TBC1D9B: variants seen among roughly 807,000 people sequenced by gnomAD.
The protein encoded by TBC1D9B is TBC1 domain family member 9B.
In TBC1D9B, 87 loss-of-function variants were observed where a neutral mutation model predicts 121.1. The ratio of observed to expected loss-of-function variants is 0.72; its 90% CI spans 0.60 to 0.86. The LOEUF is 0.86. Among genes scored for constraint, TBC1D9B ranks in the 40% least tolerant of loss-of-function variants. The pLI is 0.00. For synonymous variants in TBC1D9B, 668 were observed against 670.1 expected (o/e 1.00, Z 0.05); for missense variants, 1,540 against 1,628.6 (o/e 0.95, Z 0.94).
At chr5:179,893,575 G>T in intron 4 of TBC1D9B, 108 bp from the exon 5 acceptor site, 1 of 1,420,252 alleles carries the variant, frequency 7.0e-7, no homozygotes, top group Non-Finnish European at 9.4e-7. Context: ...TCTGGGGGCA[G>T]CACTTCCTGT....
chr5:179,871,198 G>A (rs945398672), intron 15 of TBC1D9B, among the ~76,000 whole-genome samples: 1 of 152,156 alleles, frequency 6.6e-6, no homozygotes, highest in Non-Finnish European at 1.5e-5. Context: ...CAATACAGGG[G>A]CAATGTATTC....
chr5:179,894,747 C>T, intron 3 of TBC1D9B, 133 bp from the exon 4 acceptor site: 1 of 806,154 alleles, frequency 1.2e-6, no homozygotes, highest in Non-Finnish European at 1.9e-6. Context: ...TGGGAACAGT[C>T]AGTGGCTCTT....
At chr5:179,868,150 A>G (rs390256) in intron 17 of TBC1D9B, 19,177 of 212,466 alleles carry the variant, frequency 0.09, 3,733 homozygotes, top group African/African-American at 0.41. Flanking sequence ...TGATTCTCCC[A>G]CCTCAGCCTC....
Position 179,904,825 on chromosome 5 carries a change from C to G in TBC1D9B, c.119-13G>C. ...CCCACGAGAAGACCTGGGAACAGGG[C>G]AGAGAGACATAGAGGGTGAGGGGAG... is the stretch of plus-strand genomic sequence containing the variant. On this transcript the variant is annotated splice_polypyrimidine_tract_variant and intron_variant, in intron 1 of 20. Transcript: ENST00000355235. The surrounding 1 kb of genome is among the most constrained non-coding windows in gnomAD (Gnocchi z 4.2). 1 of 1,548,048 alleles carries G rather than the reference C, an allele frequency of 6.5e-7. No homozygotes were observed. The highest frequency in any genetic ancestry group is 8.7e-7 in the Non-Finnish European group (1 of 1,145,080).
intron 3 of TBC1D9B, among the ~76,000 whole-genome samples, chr5:179,898,922 C>T (rs772635961): frequency 1.4e-4 from 21 of 152,212 alleles, no homozygotes; most frequent in Admixed American, 8.5e-4. Context: ...CGTCTATCTG[C>T]GTACGCCTTC....
chr5:179,874,184 G>A lies in TBC1D9B; in HGVS notation c.2186+718C>T, dbSNP rs1760289376. Among the ~76,000 whole-genome samples the A allele has an allele frequency of 6.6e-6, 1 of 152,148 alleles. No individual in the cohort carries two copies. Among genetic ancestry groups the A allele is most frequent in the African/African-American group, 2.4e-5 (1 of 41,420 alleles). The stretch of plus-strand genomic sequence containing the variant: ...TAGCCAGGAGGGGCCGGGGCTTGAA[G>A]GCCAGGCTGGAGGCTCAGACAGTGC... On this transcript the variant is annotated intron_variant, in intron 12 of 20. Transcript: ENST00000355235. The surrounding 1 kb of genome is among the most constrained non-coding windows in gnomAD (Gnocchi z 4.3).
rs1441207890 is a variant in TBC1D9B at position 179,891,890 on chromosome 5, T to G, written c.837-304A>C. ...GCCTGGGCAATGTGCAACCCATCCC[T>G]CGGTACTGATGGGCAAGCAGAGCCC... On this transcript the variant is annotated intron_variant, in intron 5 of 20. Transcript: ENST00000355235. The surrounding 1 kb of genome is among the most constrained non-coding windows in gnomAD (Gnocchi z 4.3). Among the ~76,000 whole-genome samples the G allele has an allele frequency of 1.3e-5, 2 of 152,122 alleles. No homozygotes were observed. The highest frequency in any genetic ancestry group is 2.9e-5 in the Non-Finnish European group (2 of 68,006).
At chr5:179,894,800 T>C (rs1760976450) in intron 3 of TBC1D9B, among the ~76,000 whole-genome samples, 186 bp from the exon 4 acceptor site, 1 of 152,216 alleles carries the variant, frequency 6.6e-6, no homozygotes, top group Non-Finnish European at 1.5e-5. Flanking sequence ...ACGCTGCCTG[T>C]GTGACTCTCT....
chr5:179,878,954 C>T, intron 9 of TBC1D9B, 93 bp downstream of exon 9: 2 of 1,484,822 alleles, frequency 1.3e-6, no homozygotes, highest in South Asian at 2.7e-5. Flanking sequence ...GCCTGGCCAA[C>T]TCCAGGCCGG....
At chr5:179,894,359 C>T in intron 4 of TBC1D9B, 27 bp downstream of exon 4, 1 of 1,584,390 alleles carries the variant, frequency 6.3e-7, no homozygotes, top group Non-Finnish European at 8.6e-7. Context: ...GGTGTGGGGG[C>T]TGGGGCACAC....
At chr5:179,867,172 T>G in intron 18 of TBC1D9B, 1 of 394,962 alleles carries the variant, frequency 2.5e-6, no homozygotes, top group South Asian at 6.3e-5. Context: ...TGTTTCCTAC[T>G]CACAGGAAGA....
rs530118237 is a variant in TBC1D9B, at chr5:179,876,751, G to A, written c.1783-714C>T. On this transcript the variant is annotated intron_variant, in intron 10 of 20. Transcript: ENST00000355235. ...GAATATAAAATGGTGCAGCTGCTGG[G>A]GAGGAAGTATGGAGTTCCTCAAAAA... Among the ~76,000 whole-genome samples the A allele has an allele frequency of 1.1e-4, 17 of 152,196 alleles. No individual in the cohort carries two copies. In the Middle Eastern group the frequency reaches 0.01, roughly 91 times the overall value.
chr5:179,889,035 A>AC (rs200298279), intron 6 of TBC1D9B, among the ~76,000 whole-genome samples: 13 of 148,080 alleles, frequency 8.8e-5, no homozygotes, highest in African/African-American at 3.2e-4. Flanking sequence ...GTGAGTGTGC[A>AC]CTTTTTTTTT....
intron 7 of TBC1D9B, among the ~76,000 whole-genome samples, chr5:179,884,182 A>G (rs1002552072): frequency 1.3e-5 from 2 of 152,214 alleles, no homozygotes; most frequent in African/African-American, 4.8e-5. Flanking sequence ...CATTAATAAA[A>G]AAAAGCCTCC....
intron 10 of TBC1D9B, among the ~76,000 whole-genome samples, chr5:179,876,845 C>A (rs1015408814): frequency 6.6e-6 from 1 of 151,896 alleles, no homozygotes. Flanking sequence ...CTGAGGAGGT[C>A]GGATCACTTG....
At chr5:179,869,098 C>T (rs551424947) in intron 17 of TBC1D9B, 8 of 164,228 alleles carry the variant, frequency 4.9e-5, no homozygotes, top group Non-Finnish European at 9.3e-5. Context: ...TAAACATCCC[C>T]GGGGTCGGTT....
chr5:179,880,349 G>C (rs550056953), intron 7 of TBC1D9B, among the ~76,000 whole-genome samples: 1 of 152,376 alleles, frequency 6.6e-6, no homozygotes, highest in East Asian at 1.9e-4. Context: ...GAGTGATGCT[G>C]TCTTGGCAGA....
intron 2 of TBC1D9B, among the ~76,000 whole-genome samples, chr5:179,903,213 C>A (rs1227000412): frequency 6.6e-6 from 1 of 152,200 alleles, no homozygotes; most frequent in African/African-American, 2.4e-5. Context: ...GGTTACTCAA[C>A]CCCTCTGGGC....
rs539831252 is a variant in TBC1D9B, at chr5:179,874,757, G to A, written c.2186+145C>T. On this transcript the variant is annotated intron_variant, in intron 12 of 20. Coordinates refer to ENST00000355235, the MANE Select transcript of TBC1D9B (RefSeq NM_015043.4). The surrounding 1 kb of genome is among the most constrained non-coding windows in gnomAD (Gnocchi z 4.3). ...CTTCATCTCCCACTAGAAAGGAGCC[G>A]CCTCCTGACCCCAGAGCACCCCCGG... 91 of 1,189,952 alleles carry A rather than the reference G, an allele frequency of 7.6e-5. 1 individual carries two copies. In the East Asian group the frequency reaches 1.7e-3, roughly 23 times the overall value. The allele number at this position is 1,189,952 out of a possible 1,614,324, so 73.7% of individuals were successfully genotyped here. A position where few individuals can be genotyped will look rare whatever the true frequency, so the allele number is the denominator to read the frequency against.
Sources: allele counts gnomAD v4.1 joint callset (sites outside exome capture counted in the v4.1 genomes callset), GRCh38; gene constraint gnomAD v4.1.1; non-coding constraint Gnocchi (gnomAD v3.1); transcripts MANE v1.5; gene names NCBI Gene and HGNC (gene_info 2026-07-23, HGNC 2026-07-21).